Variants in PLCB1 observed in about 807,000 individuals in gnomAD.
PLCB1 encodes phospholipase C beta 1.
Under a neutral mutation model 161.8 loss-of-function variants are expected in PLCB1, and 46 were observed. That is an observed-to-expected ratio of 0.28 (90% CI 0.22 to 0.36). The LOEUF is 0.36. Ranked by LOEUF, PLCB1 falls within the 10% of genes least tolerant of loss-of-function variation. PLCB1 has a pLI of 1.00. For synonymous variants in PLCB1, 517 were observed against 503.7 expected (o/e 1.03, Z -0.35); for missense variants, 1,016 against 1,472.5 (o/e 0.69, Z 5.07).
chr20:8,517,794 C>G (rs1984194582), intron 3 of PLCB1, among the ~76,000 whole-genome samples: 1 of 152,126 alleles, frequency 6.6e-6, no homozygotes, highest in Non-Finnish European at 1.5e-5. Flanking sequence ...TAAGGTTATG[C>G]TTAAGTTATT....
intron 3 of PLCB1, among the ~76,000 whole-genome samples, chr20:8,596,868 T>C (rs1215926740): frequency 6.6e-6 from 1 of 151,940 alleles, no homozygotes. Flanking sequence ...GAAGCAATTG[T>C]GAATGGGAGT....
chr20:8,481,791 T>A (rs1432031321), intron 3 of PLCB1, among the ~76,000 whole-genome samples: 1 of 152,138 alleles, frequency 6.6e-6, no homozygotes, highest in Non-Finnish European at 1.5e-5. Context: ...ATCATTTGAA[T>A]TGGTTTTTTG....
intron 2 of PLCB1, among the ~76,000 whole-genome samples, chr20:8,287,174 A>G (rs1479971419): frequency 6.6e-6 from 1 of 152,142 alleles, no homozygotes; most frequent in Admixed American, 6.5e-5. Context: ...TTTACTCTAT[A>G]TCCCAAAACA....
At chr20:8,382,015 TG>T (rs1483876831) in intron 3 of PLCB1, among the ~76,000 whole-genome samples, 3 of 152,156 alleles carry the variant, frequency 2.0e-5, no homozygotes, top group African/African-American at 7.2e-5. Flanking sequence ...AGTTTGGCCT[TG>T]CTTCTATAAC....
intron 2 of PLCB1, among the ~76,000 whole-genome samples, chr20:8,171,218 C>G (rs892725979): frequency 6.6e-6 from 1 of 151,856 alleles, no homozygotes; most frequent in African/African-American, 2.4e-5. Flanking sequence ...GTTTAATATA[C>G]ATAAAATATA....
intron 2 of PLCB1, among the ~76,000 whole-genome samples, chr20:8,153,751 A>G (rs1314111237): frequency 6.6e-6 from 1 of 152,182 alleles, no homozygotes; most frequent in Non-Finnish European, 1.5e-5. Context: ...AAGAAGTTCA[A>G]TATAGTTCAG....
At chr20:8,649,728 G>T in intron 7 of PLCB1, 1 of 445,806 alleles carries the variant, frequency 2.2e-6, no homozygotes, top group Non-Finnish European at 4.1e-6. Flanking sequence ...CTAGCAAGAA[G>T]ACTTTTGCCA....
At chr20:8,278,365 T>C (rs1407854552) in intron 2 of PLCB1, among the ~76,000 whole-genome samples, 1 of 146,192 alleles carries the variant, frequency 6.8e-6, no homozygotes, top group East Asian at 2.0e-4. Context: ...TATATATATA[T>C]ATTTGAATTA....
intron 3 of PLCB1, among the ~76,000 whole-genome samples, chr20:8,571,250 G>A (rs951417611): frequency 5.9e-5 from 9 of 152,182 alleles, no homozygotes; most frequent in African/African-American, 2.2e-4. Flanking sequence ...GGGAGGCTGG[G>A]ACAGAGGGAT....
chr20:8,217,272 G>A (rs1177802957), intron 2 of PLCB1, among the ~76,000 whole-genome samples: 1 of 152,128 alleles, frequency 6.6e-6, no homozygotes, highest in East Asian at 1.9e-4. Context: ...GGTGATCTCT[G>A]CAATAAGTGC....
At chr20:8,527,997 A>G (rs1476073804) in intron 3 of PLCB1, among the ~76,000 whole-genome samples, 1 of 152,102 alleles carries the variant, frequency 6.6e-6, no homozygotes. Flanking sequence ...GAAAAGCGAC[A>G]CTGAAAACAA....
intron 3 of PLCB1, among the ~76,000 whole-genome samples, chr20:8,375,298 G>A (rs1243763948): frequency 1.3e-5 from 2 of 152,116 alleles, no homozygotes; most frequent in Non-Finnish European, 2.9e-5. Context: ...TCTTGTCTGT[G>A]CTATGTACAT....
At chr20:8,760,296 A>G (rs1981952013) in intron 24 of PLCB1, 111 bp from the exon 25 acceptor site, 1 of 616,984 alleles carries the variant, frequency 1.6e-6, no homozygotes, top group Admixed American at 3.0e-5. Context: ...ACAATTTGTC[A>G]TTTCTCTGAA....
intron 2 of PLCB1, among the ~76,000 whole-genome samples, chr20:8,267,447 C>T (rs796843240): frequency 2.2e-4 from 34 of 152,196 alleles, no homozygotes; most frequent in African/African-American, 5.3e-4. Flanking sequence ...CTTGGGTCCA[C>T]GCTCAGGGTG....
At chr20:8,732,960 G>A (rs1428103116) in intron 18 of PLCB1, among the ~76,000 whole-genome samples, 1 of 149,760 alleles carries the variant, frequency 6.7e-6, no homozygotes, top group Non-Finnish European at 1.5e-5. Flanking sequence ...TTATAATTAA[G>A]GCAGATACAT....
chr20:8,545,980 A>G (rs938215538), intron 3 of PLCB1, among the ~76,000 whole-genome samples: 4 of 152,308 alleles, frequency 2.6e-5, no homozygotes, highest in African/African-American at 9.6e-5. Context: ...TGTTCTTTGT[A>G]TGCCATCATT....
At position 8,417,073 on chromosome 20, in the gene PLCB1, ATTTTTTTTT is replaced by A. The variant is rs3031852; in HGVS notation, c.246+45646_246+45654del. On this transcript the variant is annotated intron_variant, in intron 3 of 31. Coordinates refer to ENST00000338037, the MANE Select transcript of PLCB1 (RefSeq NM_015192.4). Reference sequence around the variant, plus strand: ...CACACACATATATATATATATATATATTTTTTTTTTTTTTTTTTTTTTTTTTTTTTTGAG... The same window carrying A: ...CACACACATATATATATATATATATATTTTTTTTTTTTTTTTTTTTTTGAG... 5.1e-3 allele frequency among the ~76,000 whole-genome samples: 205 copies of A among 39,874 alleles called. 5 individuals are homozygous for A. The highest frequency in any genetic ancestry group is 7.9e-3 in the South Asian group (6 of 756). The allele number at this position is 39,874 out of a possible 152,430, so 26.2% of individuals were successfully genotyped here. A position where few individuals can be genotyped will look rare whatever the true frequency, so the allele number is the denominator to read the frequency against.
At chr20:8,275,029 A>C (rs182772431) in intron 2 of PLCB1, among the ~76,000 whole-genome samples, 3 of 152,018 alleles carry the variant, frequency 2.0e-5, no homozygotes, top group African/African-American at 7.2e-5. Context: ...CTTTTAAAGT[A>C]TTGGTGACTT....
intron 3 of PLCB1, among the ~76,000 whole-genome samples, chr20:8,380,059 ATT>A (rs1273178107): frequency 1.3e-5 from 2 of 152,136 alleles, no homozygotes; most frequent in African/African-American, 2.4e-5. Flanking sequence ...CCTGAATGGC[ATT>A]GCCTAGATTT....
Sources: gnomAD v4.1 joint callset for allele counts (sites outside exome capture counted in the v4.1 genomes callset) on GRCh38, gnomAD v4.1.1 for gene constraint, MANE v1.5 for transcripts, NCBI Gene and HGNC (gene_info 2026-07-23, HGNC 2026-07-21) for gene names.